Variants in TIAM2 observed in about 807,000 individuals in gnomAD.
The protein encoded by TIAM2 is rho guanine nucleotide exchange factor TIAM2.
A neutral mutation model predicts 152.9 loss-of-function variants in TIAM2; 80 were observed. The ratio of observed to expected loss-of-function variants is 0.52; its 90% confidence interval spans 0.44 to 0.63. TIAM2 has a LOEUF of 0.63. Among genes scored for constraint, TIAM2 ranks in the 30% least tolerant of loss-of-function variants. The pLI, the probability that TIAM2 is intolerant of heterozygous loss-of-function variation, is 0.00. For synonymous variants in TIAM2, 804 were observed against 838.0 expected (o/e 0.96, Z 0.70); for missense variants, 1,965 against 2,120.1 (o/e 0.93, Z 1.44).
At chr6:155,245,497 G>A (rs1403434937) in intron 18 of TIAM2, 126 bp from the exon 19 acceptor site, 1 of 784,350 alleles carries the variant, frequency 1.3e-6, no homozygotes, top group African/African-American at 1.7e-5. Flanking sequence ...GGATGGAGCA[G>A]GTTTGAACTT....
chr6:155,249,441 C>T (rs1343362558), intron 20 of TIAM2, among the ~76,000 whole-genome samples: 1 of 152,196 alleles, frequency 6.6e-6, no homozygotes, highest in East Asian at 1.9e-4. Context: ...GTTTTCCTCT[C>T]TGGAACTCTG....
intron 2 of TIAM2, among the ~76,000 whole-genome samples, chr6:155,092,962 A>G (rs1778337057): frequency 2.0e-5 from 3 of 152,384 alleles, no homozygotes; most frequent in Admixed American, 2.0e-4. Context: ...CATTGAAAAC[A>G]GCAGTCCATT....
chr6:155,134,949 C>T (rs961379163), intron 4 of TIAM2, among the ~76,000 whole-genome samples: 1 of 152,144 alleles, frequency 6.6e-6, no homozygotes, highest in African/African-American at 2.4e-5. Flanking sequence ...TCATGATCTG[C>T]CCACCTCAGC....
intron 5 of TIAM2, among the ~76,000 whole-genome samples, chr6:155,142,514 C>T (rs530017511): frequency 6.6e-5 from 10 of 152,298 alleles, no homozygotes; most frequent in South Asian, 4.1e-4. Context: ...AGAATTTGGA[C>T]GTGTGTGCAG....
intron 14 of TIAM2, among the ~76,000 whole-genome samples, chr6:155,189,866 G>A (rs935326310): frequency 6.6e-6 from 1 of 152,174 alleles, no homozygotes; most frequent in Non-Finnish European, 1.5e-5. Flanking sequence ...TTCTAGAAGG[G>A]TTTGTGTTTG....
At chr6:155,211,127 T>A (rs1463602306) in intron 14 of TIAM2, 77 bp from the exon 15 acceptor site, 3 of 1,308,188 alleles carry the variant, frequency 2.3e-6, no homozygotes, top group Non-Finnish European at 3.2e-6. Context: ...CCTTTCTCCA[T>A]GTGAGCCTTT....
At chr6:155,252,288 A>G (rs544087475) in intron 23 of TIAM2, among the ~76,000 whole-genome samples, 25 of 152,262 alleles carry the variant, frequency 1.6e-4, no homozygotes, top group Admixed American at 1.2e-3. Flanking sequence ...CCTGGCCAAC[A>G]TGGTGAAACC....
chr6:155,128,877 C>CA (rs556028600), intron 3 of TIAM2, among the ~76,000 whole-genome samples: 161 of 150,378 alleles, frequency 1.1e-3, no homozygotes, highest in African/African-American at 2.4e-3. Context: ...AAAAAAAAAG[C>CA]AAAAAAAAAT....
chr6:155,049,982 C>A (rs1376482563), intron 1 of TIAM2, among the ~76,000 whole-genome samples: 2 of 152,112 alleles, frequency 1.3e-5, no homozygotes, highest in East Asian at 1.9e-4. Context: ...GTTGAGAGTA[C>A]AAATATTTTT....
chr6:155,202,980 C>T (rs1382550364), intron 14 of TIAM2, among the ~76,000 whole-genome samples: 4 of 139,342 alleles, frequency 2.9e-5, no homozygotes, highest in African/African-American at 8.2e-5. Context: ...ACCTGGGAGG[C>T]GGAGGTCGCA....
At chr6:154,996,390 C>T (rs141906964) in intron 1 of TIAM2, among the ~76,000 whole-genome samples, 27 of 152,234 alleles carry the variant, frequency 1.8e-4, no homozygotes, top group Non-Finnish European at 3.5e-4. Context: ...CTGCAGAATT[C>T]AGGCAAGAGG....
At chr6:155,041,907 T>G (rs541848882) in intron 1 of TIAM2, among the ~76,000 whole-genome samples, 7 of 152,288 alleles carry the variant, frequency 4.6e-5, no homozygotes, top group Admixed American at 2.6e-4. Flanking sequence ...TCAGATAAAT[T>G]TACAAATAGC....
chr6:155,164,318 T>TAGA, intron 7 of TIAM2, 97 bp from the exon 8 acceptor site: 1 of 1,228,558 alleles, frequency 8.1e-7, no homozygotes, highest in Non-Finnish European at 1.1e-6. Context: ...CAGCCGAAAC[T>TAGA]AATTTTTTCT....
intron 1 of TIAM2, among the ~76,000 whole-genome samples, chr6:155,000,567 C>T (rs954618333): frequency 4.8e-5 from 7 of 144,976 alleles, no homozygotes; most frequent in African/African-American, 1.8e-4. Context: ...AAAACTGTTA[C>T]GCTCTCAACA....
chr6:155,040,516 T>C (rs140883048), intron 1 of TIAM2, among the ~76,000 whole-genome samples: 1 of 152,108 alleles, frequency 6.6e-6, no homozygotes, highest in African/African-American at 2.4e-5. Flanking sequence ...ACAATTCTTT[T>C]TTTTTGTTGT....
chr6:155,243,949 C>A, intron 16 of TIAM2, 62 bp from the exon 17 acceptor site: 1 of 1,463,358 alleles, frequency 6.8e-7, no homozygotes, highest in South Asian at 1.1e-5. Flanking sequence ...TGCTGCTACC[C>A]AAATCTCATG....
intron 1 of TIAM2, among the ~76,000 whole-genome samples, chr6:155,025,929 G>A (rs985125442): frequency 6.6e-6 from 1 of 151,512 alleles, no homozygotes; most frequent in Non-Finnish European, 1.5e-5. Context: ...GTGTTGTTGA[G>A]CAGTGGGACA....
chr6:155,086,160 T>C (rs1778167335), intron 1 of TIAM2, among the ~76,000 whole-genome samples: 2 of 152,228 alleles, frequency 1.3e-5, no homozygotes, highest in South Asian at 4.2e-4. Context: ...GCAGAGAGGG[T>C]CCTGAGGAAG....
chr6:155,175,470 G>A (rs925168970), intron 9 of TIAM2, among the ~76,000 whole-genome samples: 1 of 148,200 alleles, frequency 6.7e-6, no homozygotes. Flanking sequence ...ATCTACAGGT[G>A]ACATTTTCTG....
Sources: gnomAD v4.1 joint callset for allele counts (sites outside exome capture counted in the v4.1 genomes callset) on GRCh38, gnomAD v4.1.1 for gene constraint, MANE v1.5 for transcripts, NCBI Gene and HGNC (gene_info 2026-07-23, HGNC 2026-07-21) for gene names.